The following THOC2 variants were observed in gnomAD, a reference collection of about 807,000 sequenced individuals.
THOC2 encodes the protein THO complex subunit 2.
In THOC2, 10 loss-of-function variants were observed where a neutral mutation model predicts 128.4. The ratio of observed to expected loss-of-function variants is 0.08; its 90% CI spans 0.05 to 0.13. THOC2 has a LOEUF of 0.13. Among genes scored for constraint, THOC2 ranks in the 10% least tolerant of loss-of-function variants. THOC2 has a pLI of 1.00. For missense variants in THOC2, 535 were observed against 1,155.7 expected (o/e 0.46, Z 7.79); for synonymous variants, 393 against 396.9 (o/e 0.99, Z 0.12).
At chrX:123,688,013 G>A (rs991625179) in intron 7 of THOC2, among the ~76,000 whole-genome samples, 1 of 112,324 alleles carries the variant, frequency 8.9e-6, no homozygotes, top group South Asian at 3.6e-4. Context: ...ATCCTTAAAT[G>A]CTGCTGATGG....
At chrX:123,701,706 G>A (rs1476247327) in intron 4 of THOC2, among the ~76,000 whole-genome samples, 39 of 104,993 alleles carry the variant, frequency 3.7e-4, no homozygotes, top group Non-Finnish European at 6.2e-4. Flanking sequence ...AAAAAAAAAA[G>A]GTAATATCTT....
chrX:123,623,512 T>A, intron 28 of THOC2: 1 of 561,656 alleles, frequency 1.8e-6, no homozygotes, highest in Admixed American at 4.7e-5. Flanking sequence ...TTTTTTTTTT[T>A]ACTCTTGAAG....
At chrX:123,607,316 C>T (rs935446788) in intron 38 of THOC2, among the ~76,000 whole-genome samples, 4 of 110,988 alleles carry the variant, frequency 3.6e-5, no homozygotes, top group South Asian at 3.9e-4. Context: ...TGCTCTGTCA[C>T]CCATGCTGGA....
intron 8 of THOC2, among the ~76,000 whole-genome samples, chrX:123,685,808 C>T (rs1347472330): frequency 9.0e-6 from 1 of 111,023 alleles, no homozygotes; most frequent in African/African-American, 3.3e-5. Context: ...TTAGCTTGAC[C>T]GCTATTTTAG....
At chrX:123,707,023 G>A (rs963523958) in intron 2 of THOC2, 74 bp from the exon 3 acceptor site, 18 of 411,704 alleles carry the variant, frequency 4.4e-5, no homozygotes, top group South Asian at 1.0e-4. Flanking sequence ...TATTTCCTAC[G>A]TCTCAGAATT....
chrX:123,655,009 C>T (rs2048513879), intron 12 of THOC2, among the ~76,000 whole-genome samples: 1 of 110,479 alleles, frequency 9.1e-6, no homozygotes, highest in South Asian at 3.8e-4. Context: ...TTTTTTATTA[C>T]TAATGATCTA....
chrX:123,667,345 A>C (rs1401206479), intron 10 of THOC2, 67 bp from the exon 11 acceptor site: 4 of 789,832 alleles, frequency 5.1e-6, no homozygotes, highest in Non-Finnish European at 7.2e-6. Context: ...ATACTTTGTC[A>C]CTTAAAAAAC....
chrX:123,650,451 A>G (rs1342353795), intron 12 of THOC2, among the ~76,000 whole-genome samples: 1 of 112,262 alleles, frequency 8.9e-6, no homozygotes, highest in Non-Finnish European at 1.9e-5. Flanking sequence ...AAATTCACAT[A>G]TAACAATATT....
intron 12 of THOC2, among the ~76,000 whole-genome samples, chrX:123,647,060 A>G (rs1419320274): frequency 1.8e-5 from 2 of 111,743 alleles, no homozygotes; most frequent in East Asian, 5.6e-4. Flanking sequence ...GGTGACTCAT[A>G]TGAGTTTCAA....
intron 7 of THOC2, among the ~76,000 whole-genome samples, chrX:123,689,415 G>A (rs1293707737): frequency 2.7e-5 from 3 of 111,819 alleles, no homozygotes; most frequent in Non-Finnish European, 5.6e-5. Context: ...TGAAGGTTTA[G>A]AAAATTATTT....
Position 123,712,912 on chromosome X carries a change from G to A in THOC2, c.72-4C>T. ...GAGGATCCGACATAAATGCAAACTA[G>A]AATAAAATAGAAAACATGTATTTCA... On this transcript the variant is annotated splice_polypyrimidine_tract_variant and splice_region_variant and intron_variant, in intron 1 of 38. Transcript: ENST00000245838. 8.9e-7 allele frequency: 1 copy of A among 1,125,037 alleles called. No individual in the cohort carries two copies. Among genetic ancestry groups the A allele is most frequent in the African/African-American group, 1.8e-5 (1 of 55,089 alleles). The allele number at this position is 1,125,037 out of a possible 1,213,427, so 92.7% of individuals were successfully genotyped here.
chrX:123,620,833 G>T, intron 32 of THOC2, 74 bp downstream of exon 32: 1 of 1,010,465 alleles, frequency 9.9e-7, no homozygotes, highest in Non-Finnish European at 1.4e-6. Context: ...CATAAGACTT[G>T]AAGGAAGTCA....
rs201029945 is a variant in THOC2 at position 123,624,049 on chromosome X, T to G, written c.3318+11A>C. 8.5e-7 allele frequency: 1 copy of G among 1,177,658 alleles called. No individual in the cohort carries two copies. The highest frequency in any genetic ancestry group is 1.8e-5 in the African/African-American group (1 of 54,722). On this transcript the variant is annotated intron_variant, in intron 27 of 38. Coordinates refer to ENST00000245838, the MANE Select transcript of THOC2 (RefSeq NM_001081550.2). ...AAAATTTGCCTTTGAAAAATCCAAT[T>G]TTTTTTTTACCTTGGTTAGTTTGTA...
intron 1 of THOC2, among the ~76,000 whole-genome samples, chrX:123,720,145 C>T (rs2051624616): frequency 9.4e-6 from 1 of 106,158 alleles, no homozygotes; most frequent in Non-Finnish European, 1.9e-5. Context: ...GACCTTGTCT[C>T]AAAAAAAAGA....
At chrX:123,631,538 A>G in intron 22 of THOC2, 150 bp downstream of exon 22, 1 of 561,696 alleles carries the variant, frequency 1.8e-6, no homozygotes, top group Non-Finnish European at 2.9e-6. Flanking sequence ...TCTACCACAC[A>G]GCTTCGTACC....
At chrX:123,647,303 C>T (rs966015180) in intron 12 of THOC2, among the ~76,000 whole-genome samples, 2 of 112,225 alleles carry the variant, frequency 1.8e-5, no homozygotes, top group African/African-American at 6.5e-5. Flanking sequence ...ATATATTCTA[C>T]TCCCTTGATA....
intron 33 of THOC2, among the ~76,000 whole-genome samples, chrX:123,619,191 C>T (rs949196622): frequency 1.8e-5 from 2 of 112,057 alleles, no homozygotes; most frequent in African/African-American, 6.5e-5. Context: ...ACATTACACA[C>T]ATTTTATAAC....
At chrX:123,636,291 G>A (rs1222284997) in intron 18 of THOC2, 116 bp from the exon 19 acceptor site, 1 of 502,114 alleles carries the variant, frequency 2.0e-6, no homozygotes, top group African/African-American at 2.4e-5. Context: ...TGATGCTGTT[G>A]AATGGAGCTT....
intron 12 of THOC2, among the ~76,000 whole-genome samples, chrX:123,660,843 G>C (rs1353654290): frequency 1.8e-5 from 2 of 111,907 alleles, no homozygotes; most frequent in African/African-American, 6.5e-5. Flanking sequence ...TATATCAAAA[G>C]AATACCTGCA....
Sources: allele counts gnomAD v4.1 joint callset (sites outside exome capture counted in the v4.1 genomes callset), GRCh38; gene constraint gnomAD v4.1.1; transcripts MANE v1.5; gene names NCBI Gene and HGNC (gene_info 2026-07-23, HGNC 2026-07-21).